The following PATL1 variants were observed in gnomAD, a reference collection of about 807,000 sequenced individuals.
PATL1 encodes PAT1 homolog 1, processing body mRNA decay factor, also known as protein PAT1 homolog 1.
PATL1 carries 32 observed loss-of-function variants against 100.6 expected under a neutral mutation model. The observed-to-expected ratio is 0.32, with a 90% CI of 0.24 to 0.43. The LOEUF (loss-of-function observed/expected upper bound fraction) is 0.43, where lower values mean the gene tolerates loss of function less well. PATL1 is among the 20% of genes least tolerant of loss of function. The probability of loss-of-function intolerance (pLI) is 1.00; values close to 1 mark genes in which losing one functional copy is unlikely to be tolerated. For missense variants in PATL1, 747 were observed against 949.9 expected (o/e 0.79, Z 2.81); for synonymous variants, 332 against 330.0 (o/e 1.01, Z -0.07).
At chr11:59,655,878 C>CA (rs1565134312) in intron 7 of PATL1, 78 bp downstream of exon 7, 8 of 1,350,426 alleles carry the variant, frequency 5.9e-6, no homozygotes, top group South Asian at 5.2e-5. Context: ...TGATTAACAG[C>CA]AAAAAAAGGG....
chr11:59,666,577 C>T (rs912422874), intron 2 of PATL1, among the ~76,000 whole-genome samples: 1 of 152,092 alleles, frequency 6.6e-6, no homozygotes, highest in African/African-American at 2.4e-5. Context: ...ACATTTGAAT[C>T]CCTCATAGGG....
intron 1 of PATL1, among the ~76,000 whole-genome samples, chr11:59,667,771 A>G (rs2134766405): frequency 6.6e-6 from 1 of 152,352 alleles, no homozygotes. Flanking sequence ...AGAGGCCACC[A>G]CATCCTAGGT....
rs775290637 is a variant in PATL1 at position 59,655,573 on chromosome 11, T to C, written c.981A>G (p.Pro327=). 2.5e-6 allele frequency: 4 copies of C among 1,589,208 alleles called. No individual in the cohort carries two copies. In the East Asian group the frequency reaches 9.1e-5, roughly 36 times the overall value. Residue 327 remains proline (P), a synonymous_variant, in exon 8 of 19, where the codon CCA becomes CCG. Transcript: ENST00000300146. ...GGCCAGGAGGGTGCTGCTGTGGAGG[T>C]GGTGTAGCGGAGGGTGGAGCACTAA... ...AFFSAPPSAT[P]PPQQHPPGPG...
At chr11:59,647,570 A>C (rs953694356) in intron 15 of PATL1, among the ~76,000 whole-genome samples, 184 bp downstream of exon 15, 14 of 152,204 alleles carry the variant, frequency 9.2e-5, no homozygotes, top group Non-Finnish European at 2.9e-5. Flanking sequence ...AGTCTGTTCC[A>C]TCAAATATGG....
rs1407395677 is a variant in PATL1, at chr11:59,636,961, T to TG, written c.*1428dup. ...TCACTGGGGAACAGCTGGTGGAGCCTGGGGTTACAGCATGGGAAGAAATGG... is the reference window on the plus strand; with the variant it reads ...TCACTGGGGAACAGCTGGTGGAGCCTGGGGGTTACAGCATGGGAAGAAATGG... On this transcript the variant is annotated 3_prime_UTR_variant, in exon 19 of 19. Coordinates refer to ENST00000300146, the MANE Select transcript of PATL1 (RefSeq NM_152716.3). 6.6e-6 allele frequency: 1 copy of TG among 152,668 alleles called. No homozygotes were observed. Among genetic ancestry groups the TG allele is most frequent in the Non-Finnish European group, 1.5e-5 (1 of 68,142 alleles). 9.5% of individuals were successfully genotyped at this position (152,668 alleles called of 1,614,324 possible).
In PATL1 at chr11:59,656,546, C is replaced by T; in HGVS notation, c.676G>A (p.Ala226Thr). 1 of 1,613,968 alleles carries T rather than the reference C, an allele frequency of 6.2e-7. No homozygotes were observed. Among genetic ancestry groups the T allele is most frequent in the Non-Finnish European group, 8.5e-7 (1 of 1,179,880 alleles). The part of the protein sequence containing the change: ...VRPPMPPRYP[A>T]PYGERMSPNQ... ...GGAGACATCCTCTCACCATAGGGAG[C>T]AGGATAACGAGGTGGCATTGGGGGC... is the stretch of plus-strand genomic sequence containing the variant. The change falls in exon 6 of 19, where the codon GCT becomes ACT. Residue 226 changes from alanine to threonine, a missense_variant. Around this residue, in one of 4 missense-constraint regions of PATL1, gnomAD observed 127 missense variants for 116.0 expected, o/e 1.09. Transcript: ENST00000300146.
At chr11:59,647,222 C>CAAAAAAAA (rs1175300355) in intron 15 of PATL1, among the ~76,000 whole-genome samples, 2 of 60,490 alleles carry the variant, frequency 3.3e-5, no homozygotes, top group African/African-American at 5.8e-5. Context: ...AACTCTGTCT[C>CAAAAAAAA]AAAAAAAAAA....
intron 15 of PATL1, 43 bp from the exon 16 acceptor site, chr11:59,643,078 C>T (rs1362469927): frequency 6.3e-7 from 1 of 1,590,844 alleles, no homozygotes; most frequent in South Asian, 1.1e-5. Flanking sequence ...GCACGTGTTA[C>T]TTCAGTTACC....
In PATL1 at chr11:59,656,555, G is replaced by C; in HGVS notation, c.667C>G (p.Arg223Gly). The C allele has an allele frequency of 6.2e-7, 1 of 1,613,972 alleles. No homozygotes were observed. The highest frequency in any genetic ancestry group is 8.5e-7 in the Non-Finnish European group (1 of 1,179,880). Residue 223 changes from arginine (R) to glycine (G), a missense_variant, in exon 6 of 19, where the codon CGT becomes GGT. By Grantham distance (125) the Arg-to-Gly change is moderately radical (BLOSUM62 -2). Around this residue, in one of 4 missense-constraint regions of PATL1, gnomAD observed 127 missense variants for 116.0 expected, o/e 1.09. Transcript: ENST00000300146. ...PVHVRPPMPPRYPAPYGERMS... is the reference protein window; with the variant it reads ...PVHVRPPMPPGYPAPYGERMS... Reference sequence around the variant, plus strand: ...CTCTCACCATAGGGAGCAGGATAACGAGGTGGCATTGGGGGCCGAACATGG... The same window carrying C: ...CTCTCACCATAGGGAGCAGGATAACCAGGTGGCATTGGGGGCCGAACATGG...
intron 15 of PATL1, among the ~76,000 whole-genome samples, chr11:59,643,409 G>A (rs1474094994): frequency 1.3e-5 from 2 of 151,826 alleles, no homozygotes; most frequent in Admixed American, 6.6e-5. Context: ...AAAGTATAGC[G>A]GAGAAGATAT....
At chr11:59,655,836 G>T in intron 7 of PATL1, 96 bp from the exon 8 acceptor site, 1 of 1,390,874 alleles carries the variant, frequency 7.2e-7, no homozygotes, top group Non-Finnish European at 9.9e-7. Context: ...CAATAACTTT[G>T]TTTGAAAAAG....
At chr11:59,639,219 A>G (rs879909635) in intron 17 of PATL1, 22 bp from the exon 18 acceptor site, 47 of 1,610,384 alleles carry the variant, frequency 2.9e-5, no homozygotes, top group Admixed American at 8.5e-5. Flanking sequence ...GACCCATAAT[A>G]ATATCAGGAG....
chr11:59,639,492 C>T, intron 16 of PATL1, 109 bp from the exon 17 acceptor site: 1 of 797,204 alleles, frequency 1.3e-6, no homozygotes, highest in Admixed American at 2.4e-5. Flanking sequence ...ATCAAAATAA[C>T]CTCACTACTG....
At position 59,655,837 on chromosome 11, in the gene PATL1, T is replaced by G. The variant is rs980765608; in HGVS notation, c.814-97A>C. 7 of 1,395,690 alleles carry G rather than the reference T, an allele frequency of 5.0e-6. No homozygotes were observed. In the Admixed American group the frequency reaches 6.3e-5, roughly 13 times the overall value. The allele number at this position is 1,395,690 out of a possible 1,614,324, so 86.5% of individuals were successfully genotyped here. ...ATACGGTTTTCCATCAATAACTTTG[T>G]TTGAAAAAGTAAAGGCAAAAATAAA... On this transcript the variant is annotated intron_variant, in intron 7 of 18. Transcript: ENST00000300146.
At chr11:59,640,671 G>T (rs1861265085) in intron 16 of PATL1, among the ~76,000 whole-genome samples, 1 of 151,538 alleles carries the variant, frequency 6.6e-6, no homozygotes, top group Admixed American at 6.6e-5. Flanking sequence ...AGTGAGCTGC[G>T]ATCGCGCCAC....
rs1167195694 is a variant in PATL1 at position 59,668,924 on chromosome 11, G to C, written c.-29C>G. 6.3e-6 allele frequency: 3 copies of C among 478,046 alleles called. No homozygotes were observed. Among genetic ancestry groups the C allele is most frequent in the Non-Finnish European group, 1.1e-5 (3 of 275,756 alleles). The allele number at this position is 478,046 out of a possible 1,614,324, so 29.6% of individuals were successfully genotyped here. On this transcript the variant is annotated 5_prime_UTR_variant, in exon 1 of 19. Coordinates refer to ENST00000300146, the MANE Select transcript of PATL1 (RefSeq NM_152716.3). ...TGGGGAGGGGGGCAGGGAGCGGGGAGGGGAGAGGGGGAGGGAGGGAAGAAG... is the reference window on the plus strand; with the variant it reads ...TGGGGAGGGGGGCAGGGAGCGGGGACGGGAGAGGGGGAGGGAGGGAAGAAG...
chr11:59,658,977 A>G (rs988685340), intron 3 of PATL1, 31 bp from the exon 4 acceptor site: 1 of 1,518,578 alleles, frequency 6.6e-7, no homozygotes, highest in Non-Finnish European at 8.9e-7. Context: ...ACAGAGTCTG[A>G]AATGTTGTAT....
At chr11:59,667,278 C>T (rs1397619882) in intron 1 of PATL1, among the ~76,000 whole-genome samples, 2 of 152,176 alleles carry the variant, frequency 1.3e-5, no homozygotes, top group South Asian at 4.1e-4. Flanking sequence ...CCACAACTTT[C>T]CTTACATCAC....
At position 59,642,891 on chromosome 11, in the gene PATL1, G is replaced by C. The variant is rs374631895; in HGVS notation, c.2038C>G (p.Leu680Val). ...ALSNPHLTAVLQNKFGLSLLL... is the reference protein window; with the variant it reads ...ALSNPHLTAVVQNKFGLSLLL... ...AAGGGCAAGATCACCTTGTTCTGGAGCACAGCAGTGAGGTGAGGATTGGAG... is the reference window on the plus strand; with the variant it reads ...AAGGGCAAGATCACCTTGTTCTGGACCACAGCAGTGAGGTGAGGATTGGAG... The change falls in exon 16 of 19, where the codon CTC (leucine) becomes GTC (valine). Residue 680 changes from leucine (L) to valine (V), a missense_variant. This residue lies in a region of PATL1 where 434 missense variants were observed against 596.1 expected (regional missense o/e 0.73). Transcript: ENST00000300146. 27 of 1,613,134 alleles carry C rather than the reference G, an allele frequency of 1.7e-5. No homozygotes were observed. The highest frequency in any genetic ancestry group is 2.0e-5 in the Non-Finnish European group (24 of 1,179,546).
Sources: gnomAD v4.1 joint callset for allele counts (sites outside exome capture counted in the v4.1 genomes callset) on GRCh38, gnomAD v4.1.1 for gene constraint, gnomAD v4.1.1 regional missense constraint, MANE v1.5 for transcripts, NCBI Gene and HGNC (gene_info 2026-07-23, HGNC 2026-07-21) for gene names.